CRCP: variants seen among roughly 807,000 people sequenced by gnomAD.
CRCP encodes the protein CGRP receptor component.
A neutral mutation model predicts 18.5 loss-of-function variants in CRCP; 18 were observed. The observed-to-expected ratio is 0.97, with a 90% confidence interval of 0.67 to 1.44. CRCP has a LOEUF of 1.44. Ranked by LOEUF, CRCP falls within the 40% of genes most tolerant of loss-of-function variation. The probability of loss-of-function intolerance (pLI) is 0.00; values close to 1 mark genes in which losing one functional copy is unlikely to be tolerated. For synonymous variants in CRCP, 53 were observed against 62.9 expected (o/e 0.84, Z 0.75); for missense variants, 130 against 176.4 (o/e 0.74, Z 1.49).
At chr7:66,115,081 G>A in intron 1 of CRCP, 111 bp downstream of exon 1, 1 of 1,487,546 alleles carries the variant, frequency 6.7e-7, no homozygotes, top group South Asian at 1.3e-5. Context: ...CGGGAGTGAG[G>A]GCAGCGGGCC....
chr7:66,154,160 C>G lies in CRCP; in HGVS notation c.*1803C>G, dbSNP rs1225909525. On this transcript the variant is annotated 3_prime_UTR_variant, in exon 6 of 6. Coordinates refer to ENST00000395326, the MANE Select transcript of CRCP (RefSeq NM_014478.5). ...TTTCTCAGGGCATACATGTGCCAAT[C>G]TGTCTCATTGTTGTCTCTCTCTTTT... is the stretch of plus-strand genomic sequence containing the variant. 2 of 149,964 alleles carry G rather than the reference C, an allele frequency of 1.3e-5. No homozygotes were observed. Among genetic ancestry groups the G allele is most frequent in the Non-Finnish European group, 1.5e-5 (1 of 67,794 alleles). The allele number at this position is 149,964 out of a possible 1,614,324, so 9.3% of individuals were successfully genotyped here. A position where few individuals can be genotyped will look rare whatever the true frequency, so the allele number is the denominator to read the frequency against.
At position 66,118,496 on chromosome 7, in the gene CRCP, C is replaced by T. The variant is rs560645263; in HGVS notation, c.8+3526C>T. 2.6e-5 allele frequency among the ~76,000 whole-genome samples: 4 copies of T among 152,310 alleles called. No homozygotes were observed. In the East Asian group the frequency reaches 7.7e-4, roughly 29 times the overall value. On this transcript the variant is annotated intron_variant, in intron 1 of 5. Transcript: ENST00000395326. Reference sequence around the variant, plus strand: ...CATCTGGCACACAGTAGGCATTCAGCAAATACTTGTTCAATAAAGTAATAT... The same window carrying T: ...CATCTGGCACACAGTAGGCATTCAGTAAATACTTGTTCAATAAAGTAATAT...
At chr7:66,122,252 G>A (rs1167636948) in intron 1 of CRCP, among the ~76,000 whole-genome samples, 6 of 151,866 alleles carry the variant, frequency 4.0e-5, no homozygotes, top group African/African-American at 7.3e-5. Context: ...GTGGGTGCCC[G>A]TAGTCCCAGC....
chr7:66,151,673 C>CTCTG lies in CRCP; in HGVS notation c.298-534_298-533insCTGT, dbSNP rs1484742797. Among the ~76,000 whole-genome samples, 181 of 138,582 alleles carry CTCTG rather than the reference C, an allele frequency of 1.3e-3. 1 individual carries two copies. Among genetic ancestry groups the CTCTG allele is most frequent in the East Asian group, 0.013 (60 of 4,596 alleles). The allele number at this position is 138,582 out of a possible 152,430, so 90.9% of individuals were successfully genotyped here. ...TATGCAACCTGTTCACCACTTCTCT[C>CTCTG]TGTGTGTGTGTGTGTGTGTGTGTGT... is the stretch of plus-strand genomic sequence containing the variant. On this transcript the variant is annotated intron_variant, in intron 5 of 5. Coordinates refer to ENST00000395326, the MANE Select transcript of CRCP (RefSeq NM_014478.5).
chr7:66,129,090 T>A (rs1288060919), intron 2 of CRCP, among the ~76,000 whole-genome samples: 1 of 152,002 alleles, frequency 6.6e-6, no homozygotes, highest in Non-Finnish European at 1.5e-5. Flanking sequence ...TCCCAGTACT[T>A]TGGGAGGCCG....
intron 1 of CRCP, among the ~76,000 whole-genome samples, chr7:66,124,044 CAAAAAAAAAAAAAAAAAAAA>C (rs57502731): frequency 3.0e-4 from 4 of 13,526 alleles, no homozygotes; most frequent in Admixed American, 3.1e-3. Context: ...GACTCCGTCT[CAAAAAAAAAAAAAAAAAAAA>C]AAAAAAAAAA....
At chr7:66,148,813 A>G (rs1446973167) in intron 5 of CRCP, among the ~76,000 whole-genome samples, 1 of 152,210 alleles carries the variant, frequency 6.6e-6, no homozygotes, top group Non-Finnish European at 1.5e-5. Flanking sequence ...ATAGAGCGTT[A>G]TTGCTTGTAA....
chr7:66,151,577 A>T (rs930996281), intron 5 of CRCP, among the ~76,000 whole-genome samples: 1 of 150,954 alleles, frequency 6.6e-6, no homozygotes, highest in African/African-American at 2.4e-5. Flanking sequence ...TGCCCCCCCA[A>T]AAAAAAAATT....
intron 5 of CRCP, chr7:66,150,897 G>A (rs560791931): frequency 3.9e-5 from 6 of 152,224 alleles, no homozygotes; most frequent in Non-Finnish European, 8.8e-5. Flanking sequence ...GGCAGCTGAC[G>A]ACCTAATTCT....
rs1450525948 is a variant in CRCP at position 66,124,510 on chromosome 7, C to CCCTT, written c.9-3182_9-3179dup. 2.0e-4 allele frequency among the ~76,000 whole-genome samples: 28 copies of CCCTT among 142,806 alleles called. 1 individual carries two copies. The South Asian group carries it at 3.8e-3, about 19-fold the overall frequency. The allele number at this position is 142,806 out of a possible 152,430, so 93.7% of individuals were successfully genotyped here. On this transcript the variant is annotated intron_variant, in intron 1 of 5. Transcript: ENST00000395326. ...TTCCCTCCCTCCTCCCTCCCTCCCT[C>CCCTT]CCTTCCTTCCTTCCTCCCTCCTTCC...
At chr7:66,122,955 C>CTT (rs199515487) in intron 1 of CRCP, among the ~76,000 whole-genome samples, 2 of 118,750 alleles carry the variant, frequency 1.7e-5, no homozygotes, top group South Asian at 2.8e-4. Context: ...TTCTTTCTTT[C>CTT]TTTTTTTTTT....
chr7:66,123,766 G>C (rs905444736), intron 1 of CRCP, among the ~76,000 whole-genome samples: 2 of 149,678 alleles, frequency 1.3e-5, no homozygotes, highest in Non-Finnish European at 3.0e-5. Context: ...AAAAAAAGGT[G>C]GGGGGGCCGG....
At position 66,153,529 on chromosome 7, in the gene CRCP, T is replaced by C. The variant is rs972627514; in HGVS notation, c.*1172T>C. On this transcript the variant is annotated 3_prime_UTR_variant, in exon 6 of 6. Transcript: ENST00000395326. ...TATAGTTGCCCCAGGCATGTGGTTG[T>C]TGCCTTAGGTCCTGCGAATATTGCT... is the stretch of plus-strand genomic sequence containing the variant. 4 of 152,196 alleles carry C rather than the reference T, an allele frequency of 2.6e-5. No homozygotes were observed. The highest frequency in any genetic ancestry group is 9.6e-5 in the African/African-American group (4 of 41,462). 9.4% of individuals were successfully genotyped at this position (152,196 alleles called of 1,614,324 possible). A position where few individuals can be genotyped will look rare whatever the true frequency, so the allele number is the denominator to read the frequency against.
At chr7:66,150,263 A>G (rs548639988) in intron 5 of CRCP, among the ~76,000 whole-genome samples, 74 of 151,786 alleles carry the variant, frequency 4.9e-4, no homozygotes, top group African/African-American at 1.7e-3. Flanking sequence ...TAAAAATACA[A>G]AATTATCTGG....
In CRCP at chr7:66,152,609, G is replaced by A. The variant is rs1010778624; in HGVS notation, c.*252G>A. The A allele has an allele frequency of 6.9e-6, 3 of 435,434 alleles. No individual in the cohort carries two copies. Among genetic ancestry groups the A allele is most frequent in the East Asian group, 4.5e-5 (1 of 22,104 alleles). The allele number at this position is 435,434 out of a possible 1,614,324, so 27.0% of individuals were successfully genotyped here. ...GGACAGTGACCGCGGACCCCTCTGTGCTTGAAAGATTTCCTCCACGGCCTT... is the reference window on the plus strand; with the variant it reads ...GGACAGTGACCGCGGACCCCTCTGTACTTGAAAGATTTCCTCCACGGCCTT... On this transcript the variant is annotated 3_prime_UTR_variant, in exon 6 of 6. Coordinates refer to ENST00000395326, the MANE Select transcript of CRCP (RefSeq NM_014478.5).
chr7:66,121,108 C>T (rs1468011862), intron 1 of CRCP, among the ~76,000 whole-genome samples: 1 of 151,150 alleles, frequency 6.6e-6, no homozygotes, highest in African/African-American at 2.4e-5. Flanking sequence ...GAGTTTCGCT[C>T]TTGTCACCCA....
rs1413017844 is a variant in CRCP at position 66,152,417 on chromosome 7, A to C, written c.*60A>C. The C allele has an allele frequency of 2.5e-6, 4 of 1,582,646 alleles. No individual in the cohort carries two copies. In the African/African-American group the frequency reaches 5.4e-5, roughly 21 times the overall value. On this transcript the variant is annotated 3_prime_UTR_variant, in exon 6 of 6. Transcript: ENST00000395326. ...AGAAGGCCTGGCAGCCATTTCCTGG[A>C]CGTTGAGAGGATTGTTTATTTGATT...
chr7:66,145,634 T>G, intron 5 of CRCP, 134 bp downstream of exon 5: 1 of 827,158 alleles, frequency 1.2e-6, no homozygotes, highest in Non-Finnish European at 2.0e-6. Flanking sequence ...AAAAGAGACC[T>G]TGCCAGTTTG....
intron 4 of CRCP, among the ~76,000 whole-genome samples, chr7:66,143,386 C>T (rs760897059): frequency 3.3e-5 from 5 of 152,190 alleles, no homozygotes; most frequent in Non-Finnish European, 5.9e-5. Context: ...TCGATCTTGT[C>T]CCAAATGACT....
Sources: allele counts gnomAD v4.1 joint callset (sites outside exome capture counted in the v4.1 genomes callset), GRCh38; gene constraint gnomAD v4.1.1; transcripts MANE v1.5; gene names NCBI Gene and HGNC (gene_info 2026-07-23, HGNC 2026-07-21).